HYDIN: variants seen among roughly 807,000 people sequenced by gnomAD.
HYDIN encodes axonemal central pair apparatus protein HYDIN.
A neutral mutation model predicts 403.9 loss-of-function variants in HYDIN; 132 were observed. That is an observed-to-expected ratio of 0.33 (90% CI 0.28 to 0.38). The LOEUF (loss-of-function observed/expected upper bound fraction) is 0.38. Among genes scored for constraint, HYDIN ranks in the 10% least tolerant of loss-of-function variants. HYDIN has a pLI of 1.00. For synonymous variants in HYDIN, 1,202 were observed against 1,891.7 expected (o/e 0.64, Z 9.46); for missense variants, 2,827 against 5,009.5 (o/e 0.56, Z 13.15).
chr16:71,004,974 T>C (rs1039395123), intron 23 of HYDIN, among the ~76,000 whole-genome samples: 1 of 152,234 alleles, frequency 6.6e-6, no homozygotes, highest in African/African-American at 2.4e-5. Context: ...GTCCATTTTA[T>C]CTAAGGCTAT....
chr16:70,862,926 C>G (rs2039502304), intron 68 of HYDIN, among the ~76,000 whole-genome samples, 159 bp downstream of exon 68: 1 of 151,802 alleles, frequency 6.6e-6, no homozygotes, highest in African/African-American at 2.4e-5. Context: ...TTTGGAGTCC[C>G]TCAGGCCCAT....
At chr16:70,810,831 C>CAA (rs139644196) in intron 84 of HYDIN, among the ~76,000 whole-genome samples, 5 of 143,630 alleles carry the variant, frequency 3.5e-5, no homozygotes, top group African/African-American at 1.3e-4. Context: ...GACTCCGTCT[C>CAA]AAAAAAAAAA....
chr16:71,181,821 T>A (rs766574422), intron 3 of HYDIN, among the ~76,000 whole-genome samples: 11 of 152,100 alleles, frequency 7.2e-5, no homozygotes, highest in Non-Finnish European at 1.5e-4. Flanking sequence ...CCTAACCTCA[T>A]GAAGTTGACA....
chr16:71,109,396 A>C (rs2083733503), intron 10 of HYDIN, among the ~76,000 whole-genome samples: 1 of 134,538 alleles, frequency 7.4e-6, no homozygotes, highest in Admixed American at 6.7e-5. Context: ...ATGAGGAGGA[A>C]AGAATTATTT....
In HYDIN at chr16:70,884,020, T is replaced by C. The variant is rs2040972870; in HGVS notation, c.9879A>G (p.Gly3293=). The change falls in exon 59 of 86, where the codon GGA becomes GGG. Residue 3293 remains glycine, a synonymous_variant. Transcript: ENST00000393567. ...CGATGGCTATAAACTCCTCACACTT[T>C]CCCATGGCGTCAGCCACACAGTCAA... ...INVDCVADAM[G]KCEEFIAIDI... 8.7e-6 allele frequency: 14 copies of C among 1,614,048 alleles called. No homozygotes were observed. The highest frequency in any genetic ancestry group is 3.3e-5 in the Admixed American group (2 of 60,008).
chr16:70,851,203 C>CAAAAAAAAAAAAAAAAAA (rs4028101), intron 73 of HYDIN, among the ~76,000 whole-genome samples: 1 of 22,176 alleles, frequency 4.5e-5, no homozygotes. Context: ...ATCAATCCTG[C>CAAAAAAAAAAAAAAAAAA]AAAAAAAAAA....
intron 1 of HYDIN, among the ~76,000 whole-genome samples, chr16:71,201,657 G>T (rs2088020391): frequency 6.6e-6 from 1 of 152,234 alleles, no homozygotes; most frequent in Non-Finnish European, 1.5e-5. Flanking sequence ...ATTTGAGCCT[G>T]AAGCTGCTGG....
Position 70,981,440 on chromosome 16 carries a change from T to C in HYDIN, c.4461A>G (p.Gly1487=). ...HLDPENITLS[G]EGIFPQICLD... is the part of the protein sequence containing the mutation. ...GGCAGATTTGGGGAAAGATTCCCTC[T>C]CCGCTCAGAGTGATATTTTCTGGGT... The change falls in exon 29 of 86, where the codon GGA becomes GGG. Residue 1487 remains glycine (G), a synonymous_variant. Transcript: ENST00000393567. 3 of 1,613,800 alleles carry C rather than the reference T, an allele frequency of 1.9e-6. No homozygotes were observed. Among genetic ancestry groups the C allele is most frequent in the Non-Finnish European group, 2.5e-6 (3 of 1,179,876 alleles).
chr16:71,027,355 C>T, intron 20 of HYDIN: 1 of 1,397,806 alleles, frequency 7.2e-7, no homozygotes, highest in Non-Finnish European at 9.3e-7. Flanking sequence ...TGGCTGGTCA[C>T]TGTGGACCCT....
chr16:70,953,499 T>C (rs1275838028), intron 40 of HYDIN, among the ~76,000 whole-genome samples: 1 of 152,124 alleles, frequency 6.6e-6, no homozygotes, highest in Non-Finnish European at 1.5e-5. Context: ...TGGGGCCCTT[T>C]CCTTGACTTC....
chr16:70,930,703 A>T, intron 45 of HYDIN, among the ~76,000 whole-genome samples: 1 of 152,172 alleles, frequency 6.6e-6, no homozygotes, highest in Non-Finnish European at 1.5e-5. Context: ...ATTTGTAATT[A>T]AGGTCTAAAG....
At chr16:71,137,911 C>T (rs1465119274) in intron 7 of HYDIN, among the ~76,000 whole-genome samples, 1 of 149,278 alleles carries the variant, frequency 6.7e-6, no homozygotes, top group African/African-American at 2.6e-5. Context: ...CAAAACAAAA[C>T]AAAAGAAACA....
At chr16:71,128,525 AT>A (rs757588140) in intron 9 of HYDIN, among the ~76,000 whole-genome samples, 1 of 152,044 alleles carries the variant, frequency 6.6e-6, no homozygotes, top group Admixed American at 6.5e-5. Context: ...TCTGATTTAA[AT>A]GGCAACAATT....
intron 75 of HYDIN, among the ~76,000 whole-genome samples, chr16:70,843,199 C>G (rs9933380): frequency 0.12 from 13,109 of 108,030 alleles, 1,263 homozygotes; most frequent in African/African-American, 0.24. Context: ...CCCCTCCCCC[C>G]ACCCCACCAC....
At chr16:70,963,200 G>C (rs2078471960) in intron 37 of HYDIN, among the ~76,000 whole-genome samples, 1 of 151,786 alleles carries the variant, frequency 6.6e-6, no homozygotes, top group Non-Finnish European at 1.5e-5. Context: ...TGCATTTTCT[G>C]ATTTTTTTTT....
intron 13 of HYDIN, among the ~76,000 whole-genome samples, chr16:71,075,711 TCA>T (rs2144325260): frequency 6.6e-6 from 1 of 151,136 alleles, no homozygotes; most frequent in South Asian, 2.1e-4. Flanking sequence ...TCCTTTTGTC[TCA>T]GTTGAGTATG....
At chr16:70,921,962 CG>C (rs2077008092) in intron 45 of HYDIN, among the ~76,000 whole-genome samples, 1 of 152,196 alleles carries the variant, frequency 6.6e-6, no homozygotes, top group Non-Finnish European at 1.5e-5. Context: ...ATGAAATCCT[CG>C]GGTAGGCTCC....
At chr16:70,897,376 G>A (rs1358344353) in intron 53 of HYDIN, among the ~76,000 whole-genome samples, 2 of 152,180 alleles carry the variant, frequency 1.3e-5, no homozygotes, top group Non-Finnish European at 2.9e-5. Context: ...TTGGGTGCCA[G>A]AAGGAAATTT....
At chr16:71,137,727 G>GC (rs2084987276) in intron 7 of HYDIN, among the ~76,000 whole-genome samples, 2 of 151,972 alleles carry the variant, frequency 1.3e-5, no homozygotes, top group South Asian at 4.2e-4. Context: ...AGCTTGATTT[G>GC]TCATTCTTAA....
Sources: gnomAD v4.1 joint callset for allele counts (sites outside exome capture counted in the v4.1 genomes callset) on GRCh38, gnomAD v4.1.1 for gene constraint, MANE v1.5 for transcripts, NCBI Gene and HGNC (gene_info 2026-07-23, HGNC 2026-07-21) for gene names.